HFM1: variants seen among roughly 807,000 people sequenced by gnomAD.
HFM1 encodes the protein probable ATP-dependent DNA helicase HFM1.
Under a neutral mutation model 192.1 loss-of-function variants are expected in HFM1, and 169 were observed. The ratio of observed to expected loss-of-function variants is 0.88; its 90% confidence interval spans 0.78 to 1.00. The LOEUF is 1.00. HFM1 is among the 50% of genes least tolerant of loss of function. The pLI is 0.00. For missense variants in HFM1, 1,661 were observed against 1,668.0 expected (o/e 1.00, Z 0.07); for synonymous variants, 525 against 537.8 (o/e 0.98, Z 0.33).
In HFM1 at chr1:91,375,396, T is replaced by G; in HGVS notation, c.1647A>C (p.Lys549Asn). Reference protein sequence around the residue: ...GVQQAASVLVKDAKFIMTVEQ... With the variant: ...GVQQAASVLVNDAKFIMTVEQ... ...CCACAGTCATAATAAATTTAGCATC[T>G]TTCACAAGAACAGAAGCAGCCTGTT... Residue 549 changes from lysine to asparagine, a missense_variant, in exon 13 of 39, where the codon AAA becomes AAC. Physicochemically the swap from Lys to Asn is moderately conservative, Grantham distance 94 (BLOSUM62 0). Transcript: ENST00000370425. The G allele has an allele frequency of 6.2e-7, 1 of 1,613,010 alleles. No homozygotes were observed. The highest frequency in any genetic ancestry group is 1.1e-5 in the South Asian group (1 of 91,048).
chr1:91,378,208 C>A, intron 10 of HFM1, 25 bp from the exon 11 acceptor site: 1 of 1,525,064 alleles, frequency 6.6e-7, no homozygotes, highest in South Asian at 1.2e-5. Context: ...AAGAAAAAAT[C>A]ATTAGCTATA....
intron 30 of HFM1, among the ~76,000 whole-genome samples, chr1:91,296,159 T>C (rs187169924): frequency 1.6e-3 from 241 of 152,290 alleles, no homozygotes; most frequent in Non-Finnish European, 2.4e-3. Context: ...GACCTCATGA[T>C]CCGCCCACCT....
At chr1:91,368,652 T>C (rs918556273) in intron 13 of HFM1, among the ~76,000 whole-genome samples, 5 of 152,030 alleles carry the variant, frequency 3.3e-5, no homozygotes, top group African/African-American at 1.2e-4. Flanking sequence ...ACATGCCAAA[T>C]TGTAAAGACC....
Position 91,404,800 on chromosome 1 carries a change from C to A in HFM1, c.-30G>T, listed in dbSNP as rs1306472418. 2.2e-6 allele frequency: 1 copy of A among 453,234 alleles called. No individual in the cohort carries two copies. Among genetic ancestry groups the A allele is most frequent in the African/African-American group, 2.0e-5 (1 of 49,824 alleles). The allele number at this position is 453,234 out of a possible 1,614,324, so 28.1% of individuals were successfully genotyped here. On this transcript the variant is annotated splice_region_variant and 5_prime_UTR_variant, in exon 1 of 39. Transcript: ENST00000370425. Reference sequence around the variant, plus strand: ...GGCGTCCGGGCCCCTCTCCTCACCTCCCTGCGGACAGCTCCTAGGCCAGTC... The same window carrying A: ...GGCGTCCGGGCCCCTCTCCTCACCTACCTGCGGACAGCTCCTAGGCCAGTC...
At chr1:91,306,912 G>A (rs547294926) in intron 30 of HFM1, among the ~76,000 whole-genome samples, 1 of 152,122 alleles carries the variant, frequency 6.6e-6, no homozygotes, top group Non-Finnish European at 1.5e-5. Flanking sequence ...GTTTTGGTAA[G>A]CTTTGCTTCT....
intron 30 of HFM1, among the ~76,000 whole-genome samples, chr1:91,290,444 G>C (rs999597737): frequency 2.0e-5 from 3 of 152,262 alleles, no homozygotes; most frequent in South Asian, 2.1e-4. Flanking sequence ...AAGATCAAAA[G>C]AGACAAAGAA....
At chr1:91,340,517 T>C (rs79798902) in intron 20 of HFM1, among the ~76,000 whole-genome samples, 124 of 152,320 alleles carry the variant, frequency 8.1e-4, no homozygotes, top group East Asian at 2.7e-3. Context: ...CTTTAGTATC[T>C]AGACCATTGA....
chr1:91,357,798 A>T (rs1219023946), intron 13 of HFM1, among the ~76,000 whole-genome samples: 1 of 152,232 alleles, frequency 6.6e-6, no homozygotes, highest in Admixed American at 6.5e-5. Flanking sequence ...ATTTTTAAAC[A>T]AAAATAATAA....
intron 31 of HFM1, 104 bp downstream of exon 31, chr1:91,276,878 A>G (rs1570747742): frequency 1.2e-6 from 1 of 820,544 alleles, no homozygotes. Context: ...TTGCATTATT[A>G]AGTTGCATAA....
chr1:91,400,480 CTTT>C, intron 2 of HFM1, among the ~76,000 whole-genome samples: 1 of 139,096 alleles, frequency 7.2e-6, no homozygotes, highest in African/African-American at 2.6e-5. Context: ...AGGCAAGAAT[CTTT>C]TTTTTTTTTT....
intron 3 of HFM1, among the ~76,000 whole-genome samples, chr1:91,395,501 A>ATATTTATT (rs1258148696): frequency 2.6e-5 from 4 of 151,856 alleles, no homozygotes; most frequent in East Asian, 3.9e-4. Flanking sequence ...GTTTGTTTAT[A>ATATTTATT]TATTTATTTA....
Position 91,394,322 on chromosome 1 carries a change from T to C in HFM1, c.265A>G (p.Lys89Glu). ...EDTNYISLTQ[K>E]FQFAFPSDKY... ...TCAGAAGGAAAGGCAAACTGGAATT[T>C]TTGTGTTAGTGAAATATAATTTGTA... The change falls in exon 4 of 39, where the codon AAA becomes GAA. Residue 89 changes from lysine to glutamate, a missense_variant. By Grantham distance (56) the Lys-to-Glu change is moderately conservative (BLOSUM62 1). Coordinates refer to ENST00000370425, the MANE Select transcript of HFM1 (RefSeq NM_001017975.6). The C allele has an allele frequency of 6.3e-7, 1 of 1,582,280 alleles. No individual in the cohort carries two copies. Among genetic ancestry groups the C allele is most frequent in the Non-Finnish European group, 8.7e-7 (1 of 1,151,736 alleles).
chr1:91,385,793 GA>G lies in HFM1; in HGVS notation c.535del (p.Ser179LeufsTer13). 6.2e-7 allele frequency: 1 copy of G among 1,607,006 alleles called. No individual in the cohort carries two copies. On this transcript the variant is annotated frameshift_variant, in exon 5 of 39. Coordinates refer to ENST00000370425, the MANE Select transcript of HFM1 (RefSeq NM_001017975.6). LOFTEE classifies it high-confidence loss of function. ...ISDNIHGSAY[S>X]NDNELDSHIG... ...GTGAGAGTCCAATTCATTGTCATTA[GA>G]ATAAGCACTCCCATGTATATTGTCA...
chr1:91,358,531 CA>C (rs916403693), intron 13 of HFM1, among the ~76,000 whole-genome samples: 4 of 151,066 alleles, frequency 2.6e-5, no homozygotes, highest in Admixed American at 6.6e-5. Flanking sequence ...ATTAGGGCAC[CA>C]AAAAAAATGG....
Position 91,262,399 on chromosome 1 carries a change from T to G in HFM1, c.4087-7A>C. The G allele has an allele frequency of 6.3e-7, 1 of 1,583,236 alleles. No individual in the cohort carries two copies. Among genetic ancestry groups the G allele is most frequent in the Non-Finnish European group, 8.6e-7 (1 of 1,164,260 alleles). ...TTCTTTCTTGAAAATGGACCTACAT[T>G]TGAGATAAAAAATAACAATCATTGA... is the stretch of plus-strand genomic sequence containing the variant. On this transcript the variant is annotated splice_region_variant and splice_polypyrimidine_tract_variant and intron_variant, in intron 37 of 38. Transcript: ENST00000370425.
chr1:91,378,486 G>T lies in HFM1; in HGVS notation c.1159-6C>A, dbSNP rs776363235. ...GTCATGCTATCCCATTTTTCCTAGAGAGAAAAAAAAGCATACAAGTAGTTT... is the reference window on the plus strand; with the variant it reads ...GTCATGCTATCCCATTTTTCCTAGATAGAAAAAAAAGCATACAAGTAGTTT... On this transcript the variant is annotated splice_polypyrimidine_tract_variant and splice_region_variant and intron_variant, in intron 9 of 38. Transcript: ENST00000370425. 1 of 1,558,440 alleles carries T rather than the reference G, an allele frequency of 6.4e-7. No homozygotes were observed. Among genetic ancestry groups the T allele is most frequent in the Non-Finnish European group, 8.8e-7 (1 of 1,136,666 alleles).
chr1:91,341,793 A>G (rs1655374609), intron 20 of HFM1, among the ~76,000 whole-genome samples: 1 of 151,974 alleles, frequency 6.6e-6, no homozygotes, highest in Admixed American at 6.5e-5. Context: ...AAAAAAACCC[A>G]GAAACTGTTA....
intron 20 of HFM1, chr1:91,339,089 C>T (rs1307412938): frequency 6.7e-6 from 3 of 450,272 alleles, no homozygotes; most frequent in Non-Finnish European, 1.3e-5. Flanking sequence ...TCAATGACAT[C>T]AAGGAATATA....
chr1:91,308,858 TG>T (rs1650028229), intron 30 of HFM1, among the ~76,000 whole-genome samples: 1 of 152,210 alleles, frequency 6.6e-6, no homozygotes, highest in South Asian at 2.1e-4. Context: ...ACATGGTGAG[TG>T]GCTGATCATG....
Sources: gnomAD v4.1 joint callset for allele counts (sites outside exome capture counted in the v4.1 genomes callset) on GRCh38, gnomAD v4.1.1 for gene constraint, MANE v1.5 for transcripts, NCBI Gene and HGNC (gene_info 2026-07-23, HGNC 2026-07-21) for gene names.